Variants in BLTP3B observed in about 807,000 individuals in gnomAD.
The protein encoded by BLTP3B is UHRF1 (ICBP90) binding protein 1-like.
At chr12:100,130,978 GGAGGGAGAGAGAGAGAGA>G in the BLTP3B span, among the ~76,000 whole-genome samples, 2 of 31,136 alleles carry the variant, frequency 6.4e-5, no homozygotes, top group African/African-American at 8.5e-5. Flanking sequence ...AGAGAGAGAG[GGAGGGAGAGAGAGAGAGA>G]GAGAGAGAGA....
At chr12:100,117,154 C>T in the BLTP3B span, among the ~76,000 whole-genome samples, 4 of 152,184 alleles carry the variant, frequency 2.6e-5, no homozygotes, top group Non-Finnish European at 5.9e-5. Context: ...ATTCTAGTCT[C>T]AGGGAGGTGG....
the BLTP3B span, among the ~76,000 whole-genome samples, chr12:100,106,096 C>T: frequency 3.3e-5 from 5 of 152,146 alleles, no homozygotes; most frequent in Non-Finnish European, 7.4e-5. Context: ...AATGCTTATA[C>T]ACTGCTGGTA....
the BLTP3B span, among the ~76,000 whole-genome samples, chr12:100,082,674 C>T: frequency 3.3e-5 from 5 of 152,292 alleles, no homozygotes; most frequent in African/African-American, 7.2e-5. Flanking sequence ...TTGTTATTGT[C>T]GACTTTGTCG....
the BLTP3B span, among the ~76,000 whole-genome samples, chr12:100,081,884 G>T: frequency 1.3e-5 from 2 of 152,152 alleles, no homozygotes; most frequent in Non-Finnish European, 2.9e-5. Flanking sequence ...ACAAGTGCAC[G>T]TTATCTTTGG....
At chr12:100,115,773 C>CA in the BLTP3B span, among the ~76,000 whole-genome samples, 11 of 150,434 alleles carry the variant, frequency 7.3e-5, no homozygotes, top group East Asian at 2.0e-4. Context: ...GAAAAAAAAA[C>CA]AAAAAAACAA....
the BLTP3B span, among the ~76,000 whole-genome samples, chr12:100,126,711 G>A: frequency 3.3e-5 from 5 of 152,164 alleles, no homozygotes; most frequent in Admixed American, 2.0e-4. Flanking sequence ...TCTTAACAGC[G>A]CCAAGGATGG....
the BLTP3B span, among the ~76,000 whole-genome samples, chr12:100,113,806 G>A: frequency 6.0e-5 from 9 of 151,050 alleles, no homozygotes; most frequent in East Asian, 9.7e-4. Context: ...AAAAAAAAAA[G>A]AGAAAAACAA....
the BLTP3B span, among the ~76,000 whole-genome samples, chr12:100,112,030 C>T: frequency 1.3e-5 from 2 of 152,200 alleles, no homozygotes; most frequent in Admixed American, 6.5e-5. Flanking sequence ...GTGTGAACCA[C>T]CACACCCAGC....
the BLTP3B span, among the ~76,000 whole-genome samples, chr12:100,137,324 T>C: frequency 2.0e-5 from 3 of 152,126 alleles, no homozygotes; most frequent in African/African-American, 7.2e-5. Flanking sequence ...TTATATATCC[T>C]CAATCTAGTG....
At chr12:100,108,353 AC>A in the BLTP3B span, 1 of 1,587,742 alleles carries the variant, frequency 6.3e-7, no homozygotes, top group Non-Finnish European at 8.5e-7. Context: ...AAGGCCTTCC[AC>A]AAATATCAAG....
At chr12:100,052,649 T>C in the BLTP3B span, among the ~76,000 whole-genome samples, 3 of 151,998 alleles carry the variant, frequency 2.0e-5, no homozygotes, top group Admixed American at 6.6e-5. Context: ...TCAGAAAAAG[T>C]AAGCTGGGGC....
the BLTP3B span, among the ~76,000 whole-genome samples, chr12:100,117,058 T>C: frequency 6.6e-6 from 1 of 152,164 alleles, no homozygotes; most frequent in Non-Finnish European, 1.5e-5. Flanking sequence ...TCTACACTAA[T>C]ATAAACATAT....
chr12:100,139,198 C>T, the BLTP3B span, among the ~76,000 whole-genome samples: 2 of 152,188 alleles, frequency 1.3e-5, no homozygotes, highest in East Asian at 3.9e-4. Flanking sequence ...GGAATACAAA[C>T]TAACAATTAG....
At chr12:100,060,994 C>T in the BLTP3B span, among the ~76,000 whole-genome samples, 1 of 152,148 alleles carries the variant, frequency 6.6e-6, no homozygotes, top group Non-Finnish European at 1.5e-5. Context: ...TGAATGTCAA[C>T]TACATTGTCT....
At chr12:100,074,823 T>C in the BLTP3B span, among the ~76,000 whole-genome samples, 5 of 152,176 alleles carry the variant, frequency 3.3e-5, no homozygotes, top group East Asian at 1.9e-4. Flanking sequence ...ATGGTACTGA[T>C]ACAAAAACAG....
chr12:100,108,241 G>C, the BLTP3B span: 1 of 867,336 alleles, frequency 1.2e-6, no homozygotes, highest in Admixed American at 3.3e-5. Context: ...TTTATGCAAA[G>C]GTATCTTTCT....
chr12:100,128,472 A>T, the BLTP3B span: 3 of 906,816 alleles, frequency 3.3e-6, no homozygotes, highest in South Asian at 7.7e-5. Context: ...TAGGTATCTG[A>T]CTAAAACAGT....
the BLTP3B span, chr12:100,060,158 GA>G: frequency 2.4e-6 from 2 of 842,102 alleles, no homozygotes; most frequent in South Asian, 5.9e-5. Context: ...AAACAAATTT[GA>G]GGTATTATTT....
the BLTP3B span, among the ~76,000 whole-genome samples, chr12:100,119,617 C>A: frequency 6.6e-6 from 1 of 152,028 alleles, no homozygotes; most frequent in African/African-American, 2.4e-5. Flanking sequence ...CAACAAAATA[C>A]AGAGTCCAGA....
Sources: allele counts gnomAD v4.1 joint callset (sites outside exome capture counted in the v4.1 genomes callset), GRCh38; gene constraint gnomAD v4.1.1; transcripts MANE v1.5; gene names NCBI Gene and HGNC (gene_info 2026-07-23, HGNC 2026-07-21).